The following CDH18 variants were observed in gnomAD, a reference collection of about 807,000 sequenced individuals.
CDH18 encodes cadherin 18.
A neutral mutation model predicts 67.9 loss-of-function variants in CDH18; 31 were observed. The observed-to-expected ratio is 0.46, with a 90% confidence interval of 0.34 to 0.62. CDH18 has a LOEUF of 0.62. Among genes scored for constraint, CDH18 ranks in the 20% least tolerant of loss-of-function variants. CDH18 has a pLI of 0.01. For synonymous variants in CDH18, 362 were observed against 347.2 expected (o/e 1.04, Z -0.48); for missense variants, 890 against 975.5 (o/e 0.91, Z 1.17).
chr5:19,531,609 TCACACACACACA>T (rs10552517), intron 9 of CDH18, among the ~76,000 whole-genome samples: 10 of 148,814 alleles, frequency 6.7e-5, no homozygotes, highest in Admixed American at 2.0e-4. Context: ...ATGTGTGTTC[TCACACACACACA>T]CACACACACA....
chr5:20,001,911 T>C (rs374484540), intron 2 of CDH18, among the ~76,000 whole-genome samples: 1 of 152,160 alleles, frequency 6.6e-6, no homozygotes, highest in African/African-American at 2.4e-5. Context: ...ACATTGAGCA[T>C]ACACATAGGC....
intron 5 of CDH18, among the ~76,000 whole-genome samples, chr5:19,693,038 T>C (rs946448590): frequency 6.6e-6 from 1 of 151,462 alleles, no homozygotes; most frequent in Non-Finnish European, 1.5e-5. Context: ...AAGGCTTATA[T>C]ACACAATGGA....
At chr5:19,719,845 AAAAG>A (rs1001775935) in intron 5 of CDH18, among the ~76,000 whole-genome samples, 1 of 151,512 alleles carries the variant, frequency 6.6e-6, no homozygotes, top group African/African-American at 2.4e-5. Context: ...TTTTTAAGGT[AAAAG>A]AAAGAGAGAA....
At chr5:20,571,668 C>T (rs1007113250) in intron 1 of CDH18, among the ~76,000 whole-genome samples, 15 of 152,022 alleles carry the variant, frequency 9.9e-5, no homozygotes, top group African/African-American at 3.4e-4. Context: ...CTGAAAAGAC[C>T]AGTAAAGGAG....
intron 1 of CDH18, among the ~76,000 whole-genome samples, chr5:20,538,898 G>GTT (rs376091293): frequency 0.023 from 2,403 of 106,596 alleles, 385 homozygotes; most frequent in East Asian, 0.059. Context: ...ATAGCCAACT[G>GTT]TTTTTTTTTT....
chr5:20,337,673 C>T (rs75479864), intron 1 of CDH18, among the ~76,000 whole-genome samples: 16,646 of 152,188 alleles, frequency 0.11, 1,505 homozygotes, highest in East Asian at 0.37. Context: ...AAGGTCCAAA[C>T]ATTTTCATAT....
chr5:20,501,830 G>A (rs1734066334), intron 1 of CDH18, among the ~76,000 whole-genome samples: 1 of 143,246 alleles, frequency 7.0e-6, no homozygotes, highest in African/African-American at 2.6e-5. Context: ...GAACACTGAA[G>A]TTCTTTCTTG....
At chr5:20,272,991 A>C (rs1424797887) in intron 1 of CDH18, among the ~76,000 whole-genome samples, 1 of 152,110 alleles carries the variant, frequency 6.6e-6, no homozygotes, top group African/African-American at 2.4e-5. Flanking sequence ...TAGTGAATAG[A>C]TTTAACTGTT....
intron 2 of CDH18, among the ~76,000 whole-genome samples, chr5:19,976,460 A>G (rs925408592): frequency 1.3e-5 from 2 of 152,132 alleles, no homozygotes; most frequent in African/African-American, 2.4e-5. Flanking sequence ...ACCTTTCAAC[A>G]GTCTCAAAGA....
At chr5:20,154,483 T>G (rs1751369524) in intron 2 of CDH18, among the ~76,000 whole-genome samples, 1 of 152,192 alleles carries the variant, frequency 6.6e-6, no homozygotes, top group African/African-American at 2.4e-5. Context: ...ACATTTCATT[T>G]TTTCCAATTG....
At chr5:20,455,215 G>A (rs1750757282) in intron 1 of CDH18, among the ~76,000 whole-genome samples, 1 of 152,030 alleles carries the variant, frequency 6.6e-6, no homozygotes, top group African/African-American at 2.4e-5. Flanking sequence ...GTAACATAAG[G>A]GGGCTACACA....
At chr5:19,575,876 T>C (rs1241936150) in intron 7 of CDH18, among the ~76,000 whole-genome samples, 2 of 152,118 alleles carry the variant, frequency 1.3e-5, no homozygotes, top group Non-Finnish European at 2.9e-5. Context: ...AAGATACCCC[T>C]ACATGATTGG....
chr5:20,278,357 A>G (rs1407526461), intron 1 of CDH18, among the ~76,000 whole-genome samples: 16 of 152,232 alleles, frequency 1.1e-4, no homozygotes, highest in African/African-American at 7.2e-5. Flanking sequence ...GAATGGCATG[A>G]CAGATTTAAA....
In CDH18 at chr5:19,838,787, A is replaced by G. The variant is rs1217400355; in HGVS notation, c.200T>C (p.Met67Thr). The G allele has an allele frequency of 6.2e-7, 1 of 1,613,026 alleles. No homozygotes were observed. The highest frequency in any genetic ancestry group is 8.5e-7 in the Non-Finnish European group (1 of 1,179,168). Reference protein sequence around the residue: ...WNQFFVLEEHMGPDPQYVGKL... With the variant: ...WNQFFVLEEHTGPDPQYVGKL... ...TCCAACATACTGAGGATCTGGTCCCATATGTTCTTCTAAAACAAAGAACTG... is the reference window on the plus strand; with the variant it reads ...TCCAACATACTGAGGATCTGGTCCCGTATGTTCTTCTAAAACAAAGAACTG... Residue 67 changes from methionine (M) to threonine (T), a missense_variant, in exon 3 of 13, where the codon ATG becomes ACG. Physicochemically the swap from Met to Thr is moderately conservative, Grantham distance 81. This residue lies in a region of CDH18 where 234 missense variants were observed against 307.4 expected (regional missense o/e 0.76). Transcript: ENST00000382275.
At chr5:20,468,394 G>A (rs1042374051) in intron 1 of CDH18, among the ~76,000 whole-genome samples, 8 of 152,214 alleles carry the variant, frequency 5.3e-5, no homozygotes, top group Admixed American at 2.0e-4. Context: ...GGCATCTGCC[G>A]GCATCTCTGC....
At chr5:19,614,874 G>C (rs1028860257) in intron 5 of CDH18, among the ~76,000 whole-genome samples, 42 of 152,214 alleles carry the variant, frequency 2.8e-4, no homozygotes, top group Admixed American at 2.7e-3. Flanking sequence ...TTGGCTGGGC[G>C]CGGCGGCTCA....
chr5:19,564,750 C>G (rs765484094), intron 8 of CDH18, among the ~76,000 whole-genome samples: 1 of 152,116 alleles, frequency 6.6e-6, no homozygotes, highest in Non-Finnish European at 1.5e-5. Flanking sequence ...GAGCATCAAG[C>G]AGGCTCCTGG....
chr5:20,444,349 T>C (rs1161213944), intron 1 of CDH18, among the ~76,000 whole-genome samples: 1 of 152,170 alleles, frequency 6.6e-6, no homozygotes, highest in Admixed American at 6.5e-5. Flanking sequence ...TAGCAAAAAA[T>C]TATGTGCTAT....
chr5:20,474,883 G>A (rs1009481536), intron 1 of CDH18, among the ~76,000 whole-genome samples: 1 of 152,132 alleles, frequency 6.6e-6, no homozygotes, highest in Non-Finnish European at 1.5e-5. Context: ...TTTATACAGA[G>A]GTGCGTTTCT....
Sources: allele counts gnomAD v4.1 joint callset (sites outside exome capture counted in the v4.1 genomes callset), GRCh38; gene constraint gnomAD v4.1.1; regional missense constraint gnomAD v4.1.1; transcripts MANE v1.5; gene names NCBI Gene and HGNC (gene_info 2026-07-23, HGNC 2026-07-21).